The following PRR12 variants were observed in gnomAD, a reference collection of about 807,000 sequenced individuals.
PRR12 encodes the protein proline rich 12, also known as proline-rich protein 12.
PRR12 carries 12 observed loss-of-function variants against 138.0 expected under a neutral mutation model. The ratio of observed to expected loss-of-function variants is 0.09; its 90% CI spans 0.06 to 0.14. The LOEUF (loss-of-function observed/expected upper bound fraction) is 0.14, where lower values mean the gene tolerates loss of function less well. PRR12 is among the 10% of genes least tolerant of loss of function. The pLI is 1.00. For synonymous variants in PRR12, 1,567 were observed against 1,291.7 expected (o/e 1.21, Z -4.57); for missense variants, 2,692 against 2,861.3 (o/e 0.94, Z 1.35).
At chr19:49,603,626 G>T (rs2080823245) in intron 6 of PRR12, among the ~76,000 whole-genome samples, 1 of 151,986 alleles carries the variant, frequency 6.6e-6, no homozygotes, top group Non-Finnish European at 1.5e-5. Context: ...CTGGGGTGGA[G>T]GGGGGAGGTT....
intron 6 of PRR12, among the ~76,000 whole-genome samples, chr19:49,602,200 G>A (rs578129925): frequency 2.6e-5 from 4 of 152,264 alleles, no homozygotes; most frequent in East Asian, 1.9e-4. Flanking sequence ...AAGGTGAACC[G>A]CTTGTTAATG....
chr19:49,614,573 G>A lies in PRR12; in HGVS notation c.4814G>A (p.Arg1605Gln), dbSNP rs2080882194. 1.9e-6 allele frequency: 3 copies of A among 1,560,062 alleles called. No homozygotes were observed. The highest frequency in any genetic ancestry group is 2.6e-6 in the Non-Finnish European group (3 of 1,152,218). The change falls in exon 7 of 14, where the codon CGA becomes CAA. Residue 1605 changes from arginine to glutamine, a missense_variant. Physicochemically the swap from Arg to Gln is conservative, Grantham distance 43. Around this residue, in one of 11 missense-constraint regions of PRR12, gnomAD observed 92 missense variants for 174.1 expected, o/e 0.53. Coordinates refer to ENST00000418929, the MANE Select transcript of PRR12 (RefSeq NM_020719.3). The surrounding 1 kb of genome is among the most constrained non-coding windows in gnomAD (Gnocchi z 5.0). ...QTGREPPPIW[R>Q]VQKALLQKFT... ...GGGCGTGAACCCCCACCCATCTGGC[G>A]AGTCCAGAAGGCCCTTCTGCAGAAA... is the stretch of plus-strand genomic sequence containing the variant.
At chr19:49,622,924 TATATAGAGAGAG>T (rs1166620775) in intron 11 of PRR12, among the ~76,000 whole-genome samples, 2 of 84,726 alleles carry the variant, frequency 2.4e-5, no homozygotes, top group African/African-American at 6.0e-5. Context: ...TATATATATA[TATATAGAGAGAG>T]AGAGAGAGAG....
Position 49,591,613 on chromosome 19 carries a change from T to TCCCTCCCTCCCC in PRR12, c.-40_-29dup, listed in dbSNP as rs2080727320. ...AGCGCGCGCGCGCCCCCTCCCTCCC[T>TCCCTCCCTCCCC]CCCTCCCTCCCCCTCCCCCCAATTT... On this transcript the variant is annotated 5_prime_UTR_variant, in exon 1 of 14. Coordinates refer to ENST00000418929, the MANE Select transcript of PRR12 (RefSeq NM_020719.3). The TCCCTCCCTCCCC allele has an allele frequency of 1.8e-4, 21 of 114,844 alleles. No homozygotes were observed. Among genetic ancestry groups the TCCCTCCCTCCCC allele is most frequent in the South Asian group, 4.9e-4 (5 of 10,176 alleles). The allele number at this position is 114,844 out of a possible 1,614,324, so 7.1% of individuals were successfully genotyped here.
intron 10 of PRR12, 46 bp from the exon 11 acceptor site, chr19:49,621,479 C>G (rs1269870159): frequency 6.8e-7 from 1 of 1,473,872 alleles, no homozygotes; most frequent in East Asian, 2.4e-5. Flanking sequence ...GGCCCCAGTG[C>G]TTTGTGAGGC....
intron 6 of PRR12, among the ~76,000 whole-genome samples, chr19:49,609,510 A>T (rs1002226313): frequency 2.0e-5 from 3 of 151,228 alleles, no homozygotes; most frequent in African/African-American, 7.3e-5. Flanking sequence ...CTGAGGTAGG[A>T]GAATCACTTG....
chr19:49,617,560 G>T (rs560470048), intron 9 of PRR12, among the ~76,000 whole-genome samples: 3 of 152,318 alleles, frequency 2.0e-5, no homozygotes, highest in African/African-American at 7.2e-5. Flanking sequence ...GAGCCCATGA[G>T]TTCAAGGCTA....
At position 49,625,209 on chromosome 19, in the gene PRR12, C is replaced by G; in HGVS notation, c.5964+9C>G. 6.2e-7 allele frequency: 1 copy of G among 1,608,540 alleles called. No individual in the cohort carries two copies. The highest frequency in any genetic ancestry group is 8.5e-7 in the Non-Finnish European group (1 of 1,175,070). ...TGCGCTGCCGGGACCAGGTGAGCCCCACCCACAGCACCCATCGCCCTGGGA... is the reference window on the plus strand; with the variant it reads ...TGCGCTGCCGGGACCAGGTGAGCCCGACCCACAGCACCCATCGCCCTGGGA... On this transcript the variant is annotated intron_variant, in intron 13 of 13. Transcript: ENST00000418929. This position sits in a 1 kb window ranked among gnomAD's most constrained non-coding sequence, Gnocchi z 5.5.
chr19:49,595,604 A>G lies in PRR12; in HGVS notation c.1269A>G (p.Pro423=), dbSNP rs1179830558. 1.2e-6 allele frequency: 2 copies of G among 1,600,804 alleles called. No homozygotes were observed. The highest frequency in any genetic ancestry group is 1.7e-6 in the Non-Finnish European group (2 of 1,174,812). ...ATPKCQSLGG[P]AAAYATGKAS... ...CCAAATGTCAGAGCCTGGGTGGGCC[A>G]GCAGCCGCCTATGCCACTGGGAAGG... The change falls in exon 4 of 14, where the codon CCA becomes CCG. Residue 423 remains proline (P), a synonymous_variant. Coordinates refer to ENST00000418929, the MANE Select transcript of PRR12 (RefSeq NM_020719.3).
intron 6 of PRR12, among the ~76,000 whole-genome samples, chr19:49,606,645 CTTTTTTT>C (rs1230626073): frequency 8.6e-5 from 11 of 128,148 alleles, no homozygotes; most frequent in Non-Finnish European, 1.8e-4. Context: ...TACCATCTCT[CTTTTTTT>C]TTTTTTTTTT....
intron 6 of PRR12, among the ~76,000 whole-genome samples, chr19:49,607,025 G>A (rs1050210878): frequency 2.0e-5 from 3 of 151,896 alleles, no homozygotes; most frequent in Admixed American, 1.3e-4. Flanking sequence ...TTAGCCATAG[G>A]TGGCCAAAGT....
At chr19:49,620,272 A>C (rs1427069914) in intron 9 of PRR12, 80 bp from the exon 10 acceptor site, 2 of 1,569,474 alleles carry the variant, frequency 1.3e-6, no homozygotes, top group African/African-American at 1.3e-5. Context: ...TCCGGTCCCC[A>C]GTGTTGAGAA....
At chr19:49,624,645 G>A (rs1344366273) in intron 11 of PRR12, among the ~76,000 whole-genome samples, 199 bp from the exon 12 acceptor site, 1 of 152,010 alleles carries the variant, frequency 6.6e-6, no homozygotes, top group African/African-American at 2.4e-5. Context: ...GGGTGACATT[G>A]AGAATCTGAG....
intron 4 of PRR12, among the ~76,000 whole-genome samples, chr19:49,598,222 C>T (rs534809435): frequency 6.6e-6 from 1 of 152,004 alleles, no homozygotes; most frequent in East Asian, 1.9e-4. Context: ...TACAGTTGCC[C>T]GCCACCACGC....
At chr19:49,607,072 T>C (rs1471792722) in intron 6 of PRR12, among the ~76,000 whole-genome samples, 1 of 151,404 alleles carries the variant, frequency 6.6e-6, no homozygotes, top group Admixed American at 6.6e-5. Context: ...CGAGGCAGGA[T>C]TGTTTGAGCC....
Position 49,621,693 on chromosome 19 carries a change from C to T in PRR12, c.5721+71C>T, listed in dbSNP as rs182449070. The T allele has an allele frequency of 2.6e-3, 3,373 of 1,273,116 alleles. 13 individuals are homozygous for T. The highest frequency in any genetic ancestry group is 9.3e-3 in the South Asian group (726 of 78,414). The allele number at this position is 1,273,116 out of a possible 1,614,324, so 78.9% of individuals were successfully genotyped here. A position where few individuals can be genotyped will look rare whatever the true frequency, so the allele number is the denominator to read the frequency against. On this transcript the variant is annotated intron_variant, in intron 11 of 13. Transcript: ENST00000418929. ...ATGGAGAAGACATGTACGTGTCGGC[C>T]GCTGTTGGCGGGGGTGATCCTTGGA... is the stretch of plus-strand genomic sequence containing the variant.
chr19:49,625,526 G>A lies in PRR12; in HGVS notation c.6030G>A (p.Arg2010=), dbSNP rs754106430. The A allele has an allele frequency of 6.2e-7, 1 of 1,612,492 alleles. No homozygotes were observed. Among genetic ancestry groups the A allele is most frequent in the East Asian group, 2.2e-5 (1 of 44,848 alleles). The change falls in exon 14 of 14, where the codon CGG becomes CGA. Residue 2010 remains arginine, a synonymous_variant. Transcript: ENST00000418929. The surrounding 1 kb of genome is among the most constrained non-coding windows in gnomAD (Gnocchi z 5.5). ...GQEEVVQQCM[R]NQPWLEQLFD... ...AGGAGGTGGTCCAGCAGTGCATGCG[G>A]AACCAGCCGTGGCTGGAACAGCTCT...
intron 11 of PRR12, 62 bp from the exon 12 acceptor site, chr19:49,624,782 C>A: frequency 6.4e-7 from 1 of 1,574,196 alleles, no homozygotes; most frequent in South Asian, 1.2e-5. Flanking sequence ...TGAGACCTGG[C>A]TGTTGGGTTT....
Position 49,601,929 on chromosome 19 carries a change from G to A in PRR12, c.4773+11G>A, listed in dbSNP as rs762812465. 8.1e-6 allele frequency: 13 copies of A among 1,608,358 alleles called. No homozygotes were observed. Among genetic ancestry groups the A allele is most frequent in the Non-Finnish European group, 6.8e-6 (8 of 1,178,554 alleles). On this transcript the variant is annotated intron_variant, in intron 6 of 13. Coordinates refer to ENST00000418929, the MANE Select transcript of PRR12 (RefSeq NM_020719.3). ...ATCCCTTCCCTCAAGGTGAGTCCCA[G>A]CCTTCTCCAGAAACTGGGCCTGATG...
Sources: gnomAD v4.1 joint callset for allele counts (sites outside exome capture counted in the v4.1 genomes callset) on GRCh38, gnomAD v4.1.1 for gene constraint, gnomAD v4.1.1 regional missense constraint, Gnocchi (gnomAD v3.1) non-coding constraint, MANE v1.5 for transcripts, NCBI Gene and HGNC (gene_info 2026-07-23, HGNC 2026-07-21) for gene names.